Variants in SCAF8 observed in about 807,000 individuals in gnomAD.
The protein encoded by SCAF8 is SR-related and CTD-associated factor 8.
In SCAF8, 23 loss-of-function variants were observed where a neutral mutation model predicts 140.5. The observed-to-expected ratio is 0.16, with a 90% CI of 0.12 to 0.23. The LOEUF (loss-of-function observed/expected upper bound fraction) is 0.23, where lower values mean the gene tolerates loss of function less well. Ranked by LOEUF, SCAF8 falls within the 10% of genes least tolerant of loss-of-function variation. The probability of loss-of-function intolerance (pLI) is 1.00; values close to 1 mark genes in which losing one functional copy is unlikely to be tolerated. For synonymous variants in SCAF8, 575 were observed against 528.9 expected, an observed-to-expected ratio of 1.09 and a Z score of -1.20; for missense variants, 1,397 against 1,555.7, an observed-to-expected ratio of 0.90 and a Z score of 1.72.
intron 18 of SCAF8, among the ~76,000 whole-genome samples, chr6:154,830,528 A>G (rs1778699719): frequency 6.8e-6 from 1 of 147,142 alleles, no homozygotes; most frequent in Non-Finnish European, 1.5e-5. Context: ...GGACCCTAGT[A>G]CATTGTAATT....
intron 12 of SCAF8, among the ~76,000 whole-genome samples, chr6:154,813,035 C>G (rs1464054706): frequency 2.0e-5 from 2 of 97,768 alleles, no homozygotes; most frequent in Non-Finnish European, 3.6e-5. Flanking sequence ...GCCATCACTA[C>G]CGCCAAAAAA....
chr6:154,758,028 A>G lies in SCAF8; in HGVS notation c.31-15961A>G, dbSNP rs2114819076. On this transcript the variant is annotated intron_variant, in intron 1 of 19. Coordinates refer to ENST00000367178, the MANE Select transcript of SCAF8 (RefSeq NM_014892.5). ...CAGGCTCAAGTGATTCTTCCACCTC[A>G]GCCTCCTCAGCAGCTAAGAGCACAG... Among the ~76,000 whole-genome samples the G allele has an allele frequency of 2.0e-5, 3 of 150,202 alleles. No homozygotes were observed. In the South Asian group the frequency reaches 6.3e-4, roughly 32 times the overall value.
chr6:154,790,489 ATTTTTTTTTTTTTTTTTTTTTTT>A (rs57095332), intron 4 of SCAF8, among the ~76,000 whole-genome samples: 14 of 70,802 alleles, frequency 2.0e-4, no homozygotes, highest in African/African-American at 5.9e-4. Flanking sequence ...ATTTAACAGA[ATTTTTTTTTTTTTTTTTTTTTTT>A]TTTTTTTTTT....
intron 1 of SCAF8, among the ~76,000 whole-genome samples, chr6:154,772,623 A>G (rs1370873167): frequency 6.6e-6 from 1 of 152,172 alleles, no homozygotes; most frequent in African/African-American, 2.4e-5. Flanking sequence ...CAGGAGGTAG[A>G]GGCTGCAGTG....
At chr6:154,754,357 C>A (rs1778913086) in intron 1 of SCAF8, among the ~76,000 whole-genome samples, 2 of 152,178 alleles carry the variant, frequency 1.3e-5, no homozygotes. Context: ...CCACAGTCAT[C>A]CATCATCTGA....
chr6:154,832,793 G>C lies in SCAF8; in HGVS notation c.3214G>C (p.Val1072Leu), dbSNP rs138761485. Residue 1072 changes from valine to leucine, a missense_variant, in exon 20 of 20, where the codon GTG becomes CTG. Transcript: ENST00000367178. ...TCCTGTAGATATAAGAGAGAATCTT[G>C]TGAGGCCAGGTATAGATCATCTTGG... ...RPPVDIRENL[V>L]RPGIDHLGRR... 1.2e-5 allele frequency: 20 copies of C among 1,613,856 alleles called. No individual in the cohort carries two copies. Among genetic ancestry groups the C allele is most frequent in the African/African-American group, 2.7e-5 (2 of 74,868 alleles).
intron 1 of SCAF8, among the ~76,000 whole-genome samples, chr6:154,745,777 C>A (rs1468210063): frequency 6.6e-6 from 1 of 152,110 alleles, no homozygotes; most frequent in Admixed American, 6.5e-5. Context: ...TGGTGATTTT[C>A]GGAGTCTATC....
chr6:154,757,802 A>G (rs1397248539), intron 1 of SCAF8, among the ~76,000 whole-genome samples: 4 of 152,172 alleles, frequency 2.6e-5, no homozygotes, highest in Non-Finnish European at 2.9e-5. Flanking sequence ...ACTGCTTTAA[A>G]ATGTTTGATA....
At chr6:154,747,933 T>TGTGTGTAC (rs1485936739) in intron 1 of SCAF8, among the ~76,000 whole-genome samples, 4 of 145,660 alleles carry the variant, frequency 2.7e-5, no homozygotes, top group Non-Finnish European at 6.0e-5. Flanking sequence ...TGTGTGTGTG[T>TGTGTGTAC]GTGTACTAGA....
chr6:154,800,187 T>C (rs1189100102), intron 6 of SCAF8, among the ~76,000 whole-genome samples: 2 of 151,456 alleles, frequency 1.3e-5, no homozygotes, highest in Admixed American at 1.3e-4. Context: ...CTACCTTCTG[T>C]TATGTTATAT....
chr6:154,833,624 A>G lies in SCAF8; in HGVS notation c.*229A>G, dbSNP rs892669733. The G allele has an allele frequency of 5.0e-5, 19 of 380,808 alleles. No individual in the cohort carries two copies. The South Asian group carries it at 1.0e-3, about 20-fold the overall frequency. 23.6% of individuals were successfully genotyped at this position (380,808 alleles called of 1,614,324 possible). On this transcript the variant is annotated 3_prime_UTR_variant, in exon 20 of 20. Transcript: ENST00000367178. ...TTTTATTTTTTTCTGATAAAATACA[A>G]ATGTTGGCCCCAGATTCTTTTAACG...
At chr6:154,741,717 T>A (rs1778574728) in intron 1 of SCAF8, among the ~76,000 whole-genome samples, 1 of 152,166 alleles carries the variant, frequency 6.6e-6, no homozygotes. Context: ...CGTTTGCATC[T>A]TTTTCAGAAG....
intron 2 of SCAF8, among the ~76,000 whole-genome samples, chr6:154,776,098 A>G (rs1052937902): frequency 4.0e-4 from 61 of 152,036 alleles, no homozygotes; most frequent in African/African-American, 1.4e-3. Flanking sequence ...CATCCTTAAC[A>G]TTTTAACGTT....
intron 3 of SCAF8, among the ~76,000 whole-genome samples, chr6:154,780,330 T>C (rs961511358): frequency 6.6e-6 from 1 of 152,142 alleles, no homozygotes; most frequent in African/African-American, 2.4e-5. Flanking sequence ...AACCAAGTTG[T>C]TGCATGTATC....
At chr6:154,793,402 T>TA (rs1210208540) in intron 5 of SCAF8, among the ~76,000 whole-genome samples, 1 of 151,940 alleles carries the variant, frequency 6.6e-6, no homozygotes, top group African/African-American at 2.4e-5. Flanking sequence ...ATGACTATGA[T>TA]AAAAAATTTT....
chr6:154,832,941 G>A lies in SCAF8; in HGVS notation c.3362G>A (p.Gly1121Asp). The A allele has an allele frequency of 1.9e-6, 3 of 1,614,136 alleles. No homozygotes were observed. Among genetic ancestry groups the A allele is most frequent in the Non-Finnish European group, 2.5e-6 (3 of 1,180,002 alleles). ...GGPKGLHEER[G>D]RFRSGNYRFD... is the part of the protein sequence containing the mutation. ...CCAAAAGGCTTACATGAAGAAAGAG[G>A]TAGATTTCGGTCTGGAAACTATCGA... Residue 1121 changes from glycine to aspartate, a missense_variant, in exon 20 of 20, where the codon GGT becomes GAT. This residue lies in a region of SCAF8 where 930 missense variants were observed against 874.6 expected (regional missense o/e 1.06). Coordinates refer to ENST00000367178, the MANE Select transcript of SCAF8 (RefSeq NM_014892.5).
chr6:154,832,160 A>G lies in SCAF8; in HGVS notation c.2581A>G (p.Ser861Gly). The G allele has an allele frequency of 6.2e-7, 1 of 1,614,102 alleles. No individual in the cohort carries two copies. The highest frequency in any genetic ancestry group is 8.5e-7 in the Non-Finnish European group (1 of 1,179,992). ...NSGILGIQPP[S>G]VSNSSGLLGV... ...TGGAATATTGGGAATACAGCCACCC[A>G]GTGTGTCAAATAGTTCTGGACTTTT... The change falls in exon 20 of 20, where the codon AGT (serine) becomes GGT (glycine). Residue 861 changes from serine (S) to glycine (G), a missense_variant. By Grantham distance (56) the Ser-to-Gly change is moderately conservative (BLOSUM62 0). This residue lies in a region of SCAF8 where 930 missense variants were observed against 874.6 expected (regional missense o/e 1.06). Transcript: ENST00000367178.
intron 1 of SCAF8, among the ~76,000 whole-genome samples, chr6:154,762,493 G>C (rs1016878877): frequency 6.6e-6 from 1 of 151,996 alleles, no homozygotes; most frequent in Non-Finnish European, 1.5e-5. Flanking sequence ...GTTATCATCG[G>C]AGTGACTGTC....
chr6:154,743,748 G>T (rs1778628554), intron 1 of SCAF8, among the ~76,000 whole-genome samples: 1 of 151,928 alleles, frequency 6.6e-6, no homozygotes, highest in African/African-American at 2.4e-5. Flanking sequence ...AAAGTTTTAT[G>T]GTTAAGAAAA....
Sources: gnomAD v4.1 joint callset for allele counts (sites outside exome capture counted in the v4.1 genomes callset) on GRCh38, gnomAD v4.1.1 for gene constraint, gnomAD v4.1.1 regional missense constraint, MANE v1.5 for transcripts, NCBI Gene and HGNC (gene_info 2026-07-23, HGNC 2026-07-21) for gene names.